VASH1: variants seen among roughly 807,000 people sequenced by gnomAD.
VASH1 encodes the protein vasohibin 1, also known as tubulinyl-Tyr carboxypeptidase 1.
Under a neutral mutation model 35.0 loss-of-function variants are expected in VASH1, and 16 were observed. That is an observed-to-expected ratio of 0.46 (90% CI 0.31 to 0.70). The LOEUF (loss-of-function observed/expected upper bound fraction) is 0.70, where lower values mean the gene tolerates loss of function less well. VASH1 is among the 30% of genes least tolerant of loss of function. The probability of loss-of-function intolerance (pLI) is 0.05; values close to 1 mark genes in which losing one functional copy is unlikely to be tolerated. For missense variants in VASH1, 505 were observed against 510.7 expected, an observed-to-expected ratio of 0.99 and a Z score of 0.11; for synonymous variants, 214 against 200.9, an observed-to-expected ratio of 1.07 and a Z score of -0.55.
intron 5 of VASH1, among the ~76,000 whole-genome samples, chr14:76,777,498 G>A (rs1001089057): frequency 2.6e-5 from 4 of 152,192 alleles, no homozygotes; most frequent in African/African-American, 4.8e-5. Context: ...TCAAGCTGAC[G>A]GTGCCATATA....
At chr14:76,776,825 G>T (rs930916690) in intron 5 of VASH1, among the ~76,000 whole-genome samples, 1 of 152,144 alleles carries the variant, frequency 6.6e-6, no homozygotes, top group Admixed American at 6.5e-5. Flanking sequence ...ACATCTGCCT[G>T]GGTTCTCCTG....
intron 1 of VASH1, among the ~76,000 whole-genome samples, chr14:76,763,423 C>T (rs918708008): frequency 1.3e-5 from 2 of 152,182 alleles, no homozygotes; most frequent in Admixed American, 6.5e-5. Context: ...GATGGCTTGA[C>T]GTCTCATTTG....
intron 2 of VASH1, 26 bp from the exon 3 acceptor site, chr14:76,771,164 A>G: frequency 1.3e-6 from 2 of 1,551,910 alleles, no homozygotes; most frequent in Non-Finnish European, 1.7e-6. Context: ...AGGCCAAGCT[A>G]GGAAGCCCTT....
At position 76,780,819 on chromosome 14, in the gene VASH1, G is replaced by A. The variant is rs577196010; in HGVS notation, c.*1801G>A. ...GCAATCCCTGAAGTAGAGAGAGCTC[G>A]TGCTGGGGAGAAGTCCACCAAGATG... On this transcript the variant is annotated 3_prime_UTR_variant, in exon 7 of 7. Coordinates refer to ENST00000167106, the MANE Select transcript of VASH1 (RefSeq NM_014909.5). 12 of 152,364 alleles carry A rather than the reference G, an allele frequency of 7.9e-5. No homozygotes were observed. The highest frequency in any genetic ancestry group is 5.9e-4 in the Admixed American group (9 of 15,310). 9.4% of individuals were successfully genotyped at this position (152,364 alleles called of 1,614,324 possible).
chr14:76,776,328 C>G, intron 5 of VASH1, 55 bp downstream of exon 5: 1 of 1,478,812 alleles, frequency 6.8e-7, no homozygotes, highest in South Asian at 1.3e-5. Context: ...CCCGCCCCAG[C>G]AGAGGCGATG....
At position 76,777,956 on chromosome 14, in the gene VASH1, T is replaced by C. The variant is rs201500374; in HGVS notation, c.913-3T>C. ...ATGCTGTTGCTTCCTCCTCTGCACC[T>C]AGATTGGCAAAGGGACGGGCCCTCC... On this transcript the variant is annotated splice_region_variant and splice_polypyrimidine_tract_variant and intron_variant, in intron 5 of 6. Transcript: ENST00000167106. The C allele has an allele frequency of 4.6e-6, 7 of 1,509,576 alleles. No individual in the cohort carries two copies. Among genetic ancestry groups the C allele is most frequent in the East Asian group, 5.4e-5 (2 of 37,186 alleles). 93.5% of individuals were successfully genotyped at this position (1,509,576 alleles called of 1,614,324 possible).
Position 76,763,088 on chromosome 14 carries a change from G to A in VASH1, c.267G>A (p.Glu89=). The change falls in exon 1 of 7, where the codon GAG becomes GAA. Residue 89 remains glutamate, a synonymous_variant. Transcript: ENST00000167106. ...KHVAKIHPDG[E]KVAQRIRGAT... ...TGGCCAAGATCCACCCCGATGGAGA[G>A]AAGGTGGCGCAACGGATCCGTGGGG... 6.6e-7 allele frequency: 1 copy of A among 1,510,054 alleles called. No homozygotes were observed. The highest frequency in any genetic ancestry group is 8.9e-7 in the Non-Finnish European group (1 of 1,123,898). The allele number at this position is 1,510,054 out of a possible 1,614,324, so 93.5% of individuals were successfully genotyped here. A position where few individuals can be genotyped will look rare whatever the true frequency, so the allele number is the denominator to read the frequency against.
intron 5 of VASH1, among the ~76,000 whole-genome samples, chr14:76,776,737 T>C (rs569538829): frequency 1.3e-5 from 2 of 152,188 alleles, no homozygotes; most frequent in East Asian, 3.9e-4. Context: ...TGATAGGGAG[T>C]TGGGCTGGGG....
At chr14:76,765,762 G>A (rs1254304783) in intron 1 of VASH1, among the ~76,000 whole-genome samples, 2 of 152,200 alleles carry the variant, frequency 1.3e-5, no homozygotes, top group Admixed American at 6.5e-5. Context: ...GCAGTCCCAC[G>A]TGGCAGCTGT....
chr14:76,770,188 G>A, intron 2 of VASH1, 137 bp downstream of exon 2: 1 of 792,218 alleles, frequency 1.3e-6, no homozygotes, highest in Admixed American at 2.7e-5. Context: ...ACATCTCTGT[G>A]CTCCCTGGTG....
At chr14:76,775,847 G>T (rs1231886951) in intron 4 of VASH1, 45 bp from the exon 5 acceptor site, 14 of 1,504,916 alleles carry the variant, frequency 9.3e-6, no homozygotes, top group Non-Finnish European at 1.2e-5. Context: ...CGGTGTGCTG[G>T]CCCCGTGCTT....
At position 76,780,334 on chromosome 14, in the gene VASH1, GT is replaced by G. The variant is rs571546602; in HGVS notation, c.*1318del. ...GATCAGGCTGCTTGAGGAGTAATGGGTTACCTACAGCAGAGACGAGATGGCT... is the reference window on the plus strand; with the variant it reads ...GATCAGGCTGCTTGAGGAGTAATGGGTACCTACAGCAGAGACGAGATGGCT... On this transcript the variant is annotated 3_prime_UTR_variant, in exon 7 of 7. Transcript: ENST00000167106. 41 of 152,526 alleles carry G rather than the reference GT, an allele frequency of 2.7e-4. No individual in the cohort carries two copies. The highest frequency in any genetic ancestry group is 9.4e-4 in the African/African-American group (39 of 41,560). 9.4% of individuals were successfully genotyped at this position (152,526 alleles called of 1,614,324 possible). A position where few individuals can be genotyped will look rare whatever the true frequency, so the allele number is the denominator to read the frequency against.
chr14:76,772,800 C>T (rs1893828632), intron 3 of VASH1, among the ~76,000 whole-genome samples: 1 of 152,246 alleles, frequency 6.6e-6, no homozygotes, highest in Non-Finnish European at 1.5e-5. Flanking sequence ...AAGGCCCCAG[C>T]CTGGTGGCTG....
At position 76,771,203 on chromosome 14, in the gene VASH1, G is replaced by A; in HGVS notation, c.412G>A (p.Gly138Arg). 6.2e-7 allele frequency: 1 copy of A among 1,603,566 alleles called. No homozygotes were observed. Among genetic ancestry groups the A allele is most frequent in the Non-Finnish European group, 8.5e-7 (1 of 1,175,024 alleles). ...CCGTGCCCACAGGTACAATCACACAGGGACACAGTTCTTTGAAATTAAGAA... is the reference window on the plus strand; with the variant it reads ...CCGTGCCCACAGGTACAATCACACAAGGACACAGTTCTTTGAAATTAAGAA... ...YIRELQYNHT[G>R]TQFFEIKKSR... Residue 138 changes from glycine (G) to arginine (R), a missense_variant, in exon 3 of 7, where the codon GGG becomes AGG. By Grantham distance (125) the Gly-to-Arg change is moderately radical. Transcript: ENST00000167106.
intron 2 of VASH1, among the ~76,000 whole-genome samples, chr14:76,770,262 C>T (rs1893756519): frequency 6.6e-6 from 1 of 152,140 alleles, no homozygotes; most frequent in Non-Finnish European, 1.5e-5. Flanking sequence ...AGTGCAGGGC[C>T]CACTCTGCAC....
Position 76,781,620 on chromosome 14 carries a change from G to C in VASH1, c.*2602G>C, listed in dbSNP as rs968770225. On this transcript the variant is annotated 3_prime_UTR_variant, in exon 7 of 7. Transcript: ENST00000167106. ...TCCATGGAGAAAACAGCAAAATGAA[G>C]CCCTTACCTGCTTGCTGTCTGCAAG... 1 of 152,326 alleles carries C rather than the reference G, an allele frequency of 6.6e-6. No individual in the cohort carries two copies. Among genetic ancestry groups the C allele is most frequent in the African/African-American group, 2.4e-5 (1 of 41,432 alleles). The allele number at this position is 152,326 out of a possible 1,614,324, so 9.4% of individuals were successfully genotyped here.
At chr14:76,773,281 G>A (rs1286514319) in intron 4 of VASH1, 70 bp downstream of exon 4, 2 of 1,530,786 alleles carry the variant, frequency 1.3e-6, no homozygotes, top group East Asian at 4.5e-5. Context: ...CTGAAAGTGA[G>A]GGTGGGGTAG....
chr14:76,762,861 G>A lies in VASH1; in HGVS notation c.40G>A (p.Gly14Ser). 1.3e-6 allele frequency: 2 copies of A among 1,527,128 alleles called. No homozygotes were observed. Among genetic ancestry groups the A allele is most frequent in the East Asian group, 4.8e-5 (2 of 41,966 alleles). 94.6% of individuals were successfully genotyped at this position (1,527,128 alleles called of 1,614,324 possible). A position where few individuals can be genotyped will look rare whatever the true frequency, so the allele number is the denominator to read the frequency against. The change falls in exon 1 of 7, where the codon GGT becomes AGT. Residue 14 changes from glycine (G) to serine (S), a missense_variant. Gly to Ser is a moderately conservative substitution (Grantham distance 56). Coordinates refer to ENST00000167106, the MANE Select transcript of VASH1 (RefSeq NM_014909.5). ...GKKVAGGGSS[G>S]ATPTSAAATA... is the part of the protein sequence containing the mutation. ...GAAGGTGGCTGGGGGTGGCAGCAGC[G>A]GTGCCACTCCAACGTCCGCTGCGGC...
intron 2 of VASH1, among the ~76,000 whole-genome samples, chr14:76,770,731 C>G (rs8010517): frequency 0.2 from 30,141 of 152,106 alleles, 3,235 homozygotes; most frequent in Middle Eastern, 0.22. Context: ...GGTCCTGGGT[C>G]GGGAGAAGCC....
Sources: gnomAD v4.1 joint callset for allele counts (sites outside exome capture counted in the v4.1 genomes callset) on GRCh38, gnomAD v4.1.1 for gene constraint, MANE v1.5 for transcripts, NCBI Gene and HGNC (gene_info 2026-07-23, HGNC 2026-07-21) for gene names.